PDE10A: variants seen among roughly 807,000 people sequenced by gnomAD.
The protein encoded by PDE10A is phosphodiesterase 10A, also known as cAMP and cAMP-inhibited cGMP 3',5'-cyclic phosphodiesterase 10A.
In PDE10A, 39 loss-of-function variants were observed where a neutral mutation model predicts 97.7. That is an observed-to-expected ratio of 0.40 (90% confidence interval 0.31 to 0.52). The LOEUF is 0.52. PDE10A is among the 20% of genes least tolerant of loss of function. PDE10A has a pLI of 0.56. For synonymous variants in PDE10A, 371 were observed against 376.8 expected (o/e 0.98, Z 0.18); for missense variants, 731 against 1,047.8 (o/e 0.70, Z 4.17).
rs944265728 is a variant in PDE10A, at chr6:165,328,189, T to C, written c.*4836A>G. ...CATAGCATATACACCATACAACAGA[T>C]CATATGGAAAATAATATTCCTATAT... On this transcript the variant is annotated 3_prime_UTR_variant, in exon 22 of 22. Coordinates refer to ENST00000539869, the MANE Select transcript of PDE10A (RefSeq NM_001385079.1). 6.6e-6 allele frequency: 1 copy of C among 152,150 alleles called. No individual in the cohort carries two copies. The highest frequency in any genetic ancestry group is 2.4e-5 in the African/African-American group (1 of 41,418). The allele number at this position is 152,150 out of a possible 1,614,324, so 9.4% of individuals were successfully genotyped here. A position where few individuals can be genotyped will look rare whatever the true frequency, so the allele number is the denominator to read the frequency against.
intron 1 of PDE10A, among the ~76,000 whole-genome samples, chr6:165,902,928 GA>G (rs975431197): frequency 6.6e-6 from 1 of 152,230 alleles, no homozygotes; most frequent in Non-Finnish European, 1.5e-5. Flanking sequence ...AAGTGAACCA[GA>G]AATAACTTCT....
intron 1 of PDE10A, among the ~76,000 whole-genome samples, chr6:165,759,566 G>A (rs1248139505): frequency 6.6e-6 from 1 of 152,144 alleles, no homozygotes; most frequent in African/African-American, 2.4e-5. Flanking sequence ...ATGGCTCCAA[G>A]GCACAAGTCC....
intron 18 of PDE10A, among the ~76,000 whole-genome samples, chr6:165,369,922 T>G (rs1484845086): frequency 6.6e-6 from 1 of 151,882 alleles, no homozygotes; most frequent in African/African-American, 2.4e-5. Context: ...GGGGCCAATA[T>G]TCAACATTCT....
rs769976373 is a variant in PDE10A, at chr6:165,576,389, C to T, written c.866-32821G>A. The T allele has an allele frequency of 2.0e-4, 156 of 780,424 alleles. No individual in the cohort carries two copies. In the Admixed American group the frequency reaches 2.6e-3, roughly 13 times the overall value. 48.3% of individuals were successfully genotyped at this position (780,424 alleles called of 1,614,324 possible). On this transcript the variant is annotated intron_variant, in intron 1 of 21. Transcript: ENST00000539869. ...GAATGTCCCTTCTAAATTTCTTTTG[C>T]TGGCTTCGTGTCCTCTACTCACCTG...
chr6:165,843,650 C>T (rs985643987), intron 1 of PDE10A, among the ~76,000 whole-genome samples: 2 of 152,166 alleles, frequency 1.3e-5, no homozygotes, highest in African/African-American at 4.8e-5. Context: ...CTTCATCACC[C>T]CGCCAAGGCC....
intron 1 of PDE10A, among the ~76,000 whole-genome samples, chr6:165,793,677 C>T (rs1778723409): frequency 6.6e-6 from 1 of 152,188 alleles, no homozygotes; most frequent in South Asian, 2.1e-4. Flanking sequence ...GTCGCTGTGA[C>T]CTTATGGAGT....
At position 165,448,993 on chromosome 6, in the gene PDE10A, G is replaced by A. The variant is rs1419179496; in HGVS notation, c.1145-16C>T. The A allele has an allele frequency of 6.2e-7, 1 of 1,606,518 alleles. No homozygotes were observed. The highest frequency in any genetic ancestry group is 8.5e-7 in the Non-Finnish European group (1 of 1,173,302). ...GCTTTTGTGGCTGCCAAAGTAATAA[G>A]AAAAGGAAGAAACTGAGCTCAGTGG... is the stretch of plus-strand genomic sequence containing the variant. On this transcript the variant is annotated splice_polypyrimidine_tract_variant and intron_variant, in intron 4 of 21. Transcript: ENST00000539869.
At chr6:165,726,557 G>A (rs1412125981) in intron 1 of PDE10A, among the ~76,000 whole-genome samples, 4 of 151,628 alleles carry the variant, frequency 2.6e-5, no homozygotes, top group Non-Finnish European at 5.9e-5. Context: ...GATGCCCGAG[G>A]AGAGCCACGA....
chr6:165,620,385 T>C (rs1431385942), intron 1 of PDE10A, among the ~76,000 whole-genome samples: 1 of 152,154 alleles, frequency 6.6e-6, no homozygotes, highest in Non-Finnish European at 1.5e-5. Context: ...TAAAATATCT[T>C]GAGACATGTC....
chr6:165,575,134 T>C (rs1785237360), intron 1 of PDE10A, among the ~76,000 whole-genome samples: 1 of 152,196 alleles, frequency 6.6e-6, no homozygotes, highest in African/African-American at 2.4e-5. Context: ...TAAAGACCAC[T>C]GCCGATTACT....
At chr6:165,569,846 G>A (rs1051976625) in intron 1 of PDE10A, among the ~76,000 whole-genome samples, 31 of 152,156 alleles carry the variant, frequency 2.0e-4, no homozygotes, top group African/African-American at 7.5e-4. Context: ...GCTGTTAAGA[G>A]AAAAAGAAAA....
At chr6:165,805,589 TCAACTCTATGTA>T (rs1562745620) in intron 1 of PDE10A, among the ~76,000 whole-genome samples, 1 of 151,984 alleles carries the variant, frequency 6.6e-6, no homozygotes, top group African/African-American at 2.4e-5. Context: ...TCGGCCTCCT[TCAACTCTATGTA>T]CAGGTATATT....
intron 1 of PDE10A, among the ~76,000 whole-genome samples, chr6:165,643,500 T>C (rs1367477235): frequency 1.3e-5 from 2 of 152,124 alleles, no homozygotes; most frequent in Admixed American, 6.5e-5. Flanking sequence ...CAATGAGCCA[T>C]AGTAAGGCTC....
intron 1 of PDE10A, among the ~76,000 whole-genome samples, chr6:165,675,311 G>A (rs1583762657): frequency 6.6e-6 from 1 of 152,138 alleles, no homozygotes; most frequent in Admixed American, 6.5e-5. Flanking sequence ...CTTGGAAAAT[G>A]TAAATAACGT....
At chr6:165,739,672 T>C (rs1270470002) in intron 1 of PDE10A, among the ~76,000 whole-genome samples, 1 of 152,200 alleles carries the variant, frequency 6.6e-6, no homozygotes, top group East Asian at 1.9e-4. Flanking sequence ...AGCCTCTGTG[T>C]AGCAAAGGAA....
chr6:165,349,501 T>C (rs1200343890), intron 18 of PDE10A, among the ~76,000 whole-genome samples: 2 of 152,120 alleles, frequency 1.3e-5, no homozygotes, highest in Admixed American at 6.5e-5. Context: ...AAGCAGAGCA[T>C]AAAAGTTTGA....
At chr6:165,471,747 C>T (rs1000111692) in intron 3 of PDE10A, among the ~76,000 whole-genome samples, 10 of 152,056 alleles carry the variant, frequency 6.6e-5, no homozygotes, top group African/African-American at 2.4e-4. Context: ...CTATCAAACC[C>T]AAGCATTTTC....
chr6:165,465,139 T>C (rs1778560578), intron 3 of PDE10A, among the ~76,000 whole-genome samples: 1 of 152,208 alleles, frequency 6.6e-6, no homozygotes, highest in South Asian at 2.1e-4. Flanking sequence ...GATTTAGGCA[T>C]TTTAAAGAAA....
At position 165,937,490 on chromosome 6, in the gene PDE10A, A is replaced by C. The variant is rs546109027; in HGVS notation, c.-615+50039T>G. On this transcript the variant is annotated intron_variant, in intron 1 of 19. Coordinates refer to the PDE10A transcript ENST00000366882. ...ATAAACTTACATATTTAAAAAAAGC[A>C]ATCTGTTCTTAATAGAACCTTTCTT... is the stretch of plus-strand genomic sequence containing the variant. 6.3e-4 allele frequency among the ~76,000 whole-genome samples: 96 copies of C among 152,346 alleles called. 1 individual carries two copies. Among genetic ancestry groups the C allele is most frequent in the African/African-American group, 2.3e-3 (95 of 41,580 alleles).
Sources: allele counts gnomAD v4.1 joint callset (sites outside exome capture counted in the v4.1 genomes callset), GRCh38; gene constraint gnomAD v4.1.1; transcripts MANE v1.5; gene names NCBI Gene and HGNC (gene_info 2026-07-23, HGNC 2026-07-21).